SUN3: variants seen among roughly 807,000 people sequenced by gnomAD.
SUN3 encodes the protein SUN domain-containing protein 3.
In SUN3, 36 loss-of-function variants were observed where a neutral mutation model predicts 48.2. The ratio of observed to expected loss-of-function variants is 0.75; its 90% CI spans 0.57 to 0.99. SUN3 has a LOEUF of 0.99. Ranked by LOEUF, SUN3 falls within the 50% of genes least tolerant of loss-of-function variation. The pLI is 0.00. For missense variants in SUN3, 419 were observed against 433.1 expected (o/e 0.97, Z 0.29); for synonymous variants, 148 against 147.9 (o/e 1.00, Z 0.00).
chr7:47,998,268 C>A lies in SUN3; in HGVS notation c.578-2122G>T, dbSNP rs112238482. ...GTTTTGTTTTGTTTGGCATTCTAAT[C>A]GGTGTGTAATGATATAACATTGAGG... On this transcript the variant is annotated intron_variant, in intron 6 of 9. Coordinates refer to ENST00000297325, the MANE Select transcript of SUN3 (RefSeq NM_001030019.2). Among the ~76,000 whole-genome samples the A allele has an allele frequency of 3.0e-3, 455 of 152,184 alleles. 6 individuals carry two copies. Among genetic ancestry groups the A allele is most frequent in the African/African-American group, 0.01 (425 of 41,542 alleles).
At chr7:47,987,513 A>G in intron 9 of SUN3, 64 bp from the exon 10 acceptor site, 1 of 1,386,356 alleles carries the variant, frequency 7.2e-7, no homozygotes, top group Non-Finnish European at 9.5e-7. Context: ...ATCCCAATGA[A>G]TACTGATATA....
At chr7:48,011,720 C>T (rs11978282) in intron 3 of SUN3, among the ~76,000 whole-genome samples, 3,977 of 152,204 alleles carry the variant, frequency 0.026, 170 homozygotes, top group African/African-American at 0.09. Context: ...TTTTATTTTG[C>T]TTCATTCCCA....
intron 3 of SUN3, among the ~76,000 whole-genome samples, chr7:48,009,297 T>A (rs879654353): frequency 6.6e-6 from 1 of 152,338 alleles, no homozygotes; most frequent in East Asian, 1.9e-4. Context: ...ATCTATTTAA[T>A]GAGTGACATT....
At chr7:48,035,720 G>A in the SUN3 span, 2 of 587,342 alleles carry the variant, frequency 3.4e-6, no homozygotes, top group African/African-American at 1.9e-5. The surrounding 1 kb of genome is among the most constrained non-coding windows in gnomAD (Gnocchi z 4.0). Context: ...CGGGCAGTGC[G>A]CGCCGGGGCT....
In SUN3 at chr7:48,004,905, C is replaced by G. The variant is rs1915961; in HGVS notation, c.577+1064G>C. On this transcript the variant is annotated intron_variant, in intron 6 of 9. Coordinates refer to ENST00000297325, the MANE Select transcript of SUN3 (RefSeq NM_001030019.2). ...ACGTAGTTGCTTTTTGAATTTTGTCCGGATTTTTTCTCATTGTAATCAGTT... is the reference window on the plus strand; with the variant it reads ...ACGTAGTTGCTTTTTGAATTTTGTCGGGATTTTTTCTCATTGTAATCAGTT... Among the ~76,000 whole-genome samples, 325 of 152,274 alleles carry G rather than the reference C, an allele frequency of 2.1e-3. 2 individuals are homozygous for G. The highest frequency in any genetic ancestry group is 7.4e-3 in the African/African-American group (308 of 41,572).
chr7:48,017,635 G>A (rs1468510738), intron 2 of SUN3, among the ~76,000 whole-genome samples: 2 of 152,152 alleles, frequency 1.3e-5, no homozygotes, highest in East Asian at 3.8e-4. Flanking sequence ...GATAACTAAG[G>A]ATAGGGTGGC....
chr7:48,005,935 T>C, intron 6 of SUN3, 34 bp downstream of exon 6: 1 of 1,439,664 alleles, frequency 6.9e-7, no homozygotes, highest in South Asian at 1.2e-5. Flanking sequence ...TCTTTTTTTT[T>C]TAATGTTCCT....
chr7:47,987,551 C>A, intron 9 of SUN3, 102 bp from the exon 10 acceptor site: 1 of 979,288 alleles, frequency 1.0e-6, no homozygotes, highest in South Asian at 2.2e-5. Flanking sequence ...TTTTTTTTTT[C>A]GAGATAGGAT....
chr7:48,015,309 C>G (rs1789781887), intron 3 of SUN3, among the ~76,000 whole-genome samples: 1 of 152,184 alleles, frequency 6.6e-6, no homozygotes, highest in African/African-American at 2.4e-5. Flanking sequence ...TTCCAGGTAG[C>G]TGTGCTTTTG....
chr7:48,030,454 A>C (rs1325051709), upstream of SUN3, among the ~76,000 whole-genome samples: 2 of 152,238 alleles, frequency 1.3e-5, no homozygotes, highest in African/African-American at 4.8e-5. Context: ...ACACATGCAC[A>C]GTATGTGACA....
chr7:48,026,637 A>G (rs1297405912), intron 1 of SUN3, among the ~76,000 whole-genome samples: 3 of 151,106 alleles, frequency 2.0e-5, no homozygotes, highest in Non-Finnish European at 4.4e-5. Flanking sequence ...CCCTACCATC[A>G]TTGTTACTGT....
intron 5 of SUN3, among the ~76,000 whole-genome samples, chr7:48,006,590 G>A (rs529707163): frequency 2.8e-4 from 43 of 152,276 alleles, no homozygotes; most frequent in South Asian, 1.5e-3. Flanking sequence ...CTAAGCAGGC[G>A]TAACAGTTCA....
intron 4 of SUN3, among the ~76,000 whole-genome samples, chr7:48,008,075 C>T (rs1296796651): frequency 1.3e-5 from 2 of 152,158 alleles, no homozygotes; most frequent in Non-Finnish European, 2.9e-5. Flanking sequence ...CCACCCGCCT[C>T]GGCCACCCAA....
upstream of SUN3, among the ~76,000 whole-genome samples, chr7:48,029,675 C>T (rs2128786206): frequency 6.6e-6 from 1 of 152,268 alleles, no homozygotes; most frequent in South Asian, 2.1e-4. Flanking sequence ...GAATAATGCT[C>T]ATTGCACGTT....
chr7:48,008,462 T>G (rs1022855572), intron 4 of SUN3, among the ~76,000 whole-genome samples: 2 of 152,210 alleles, frequency 1.3e-5, no homozygotes. Context: ...AATTCTTCAT[T>G]TCATGAATAT....
rs1789202253 is a variant in SUN3, at chr7:47,996,050, G to C, written c.674C>G (p.Pro225Arg). Reference protein sequence around the residue: ...HGIGFLNHEMPPDIILQPDVY... With the variant: ...HGIGFLNHEMRPDIILQPDVY... Reference sequence around the variant, plus strand: ...CTTTACCTGAAGAATAATATCTGGAGGCATTTCATGATTTAGGAAACCTAT... The same window carrying C: ...CTTTACCTGAAGAATAATATCTGGACGCATTTCATGATTTAGGAAACCTAT... The change falls in exon 7 of 10, where the codon CCT becomes CGT. Residue 225 changes from proline to arginine, a missense_variant. Coordinates refer to ENST00000297325, the MANE Select transcript of SUN3 (RefSeq NM_001030019.2). 2 of 1,566,322 alleles carry C rather than the reference G, an allele frequency of 1.3e-6. No homozygotes were observed. The highest frequency in any genetic ancestry group is 1.7e-4 in the Middle Eastern group (1 of 5,906).
intron 2 of SUN3, among the ~76,000 whole-genome samples, chr7:48,018,048 T>C (rs1562611503): frequency 6.6e-6 from 1 of 152,182 alleles, no homozygotes; most frequent in Non-Finnish European, 1.5e-5. Context: ...GAGAACGTAA[T>C]GTGCATTTCT....
chr7:47,999,867 T>C (rs1205221051), intron 6 of SUN3, among the ~76,000 whole-genome samples: 1 of 152,228 alleles, frequency 6.6e-6, no homozygotes, highest in African/African-American at 2.4e-5. Flanking sequence ...CTTTTGGATA[T>C]CTCTGTATTT....
chr7:47,998,329 C>T (rs1179301513), intron 6 of SUN3, among the ~76,000 whole-genome samples: 1 of 152,162 alleles, frequency 6.6e-6, no homozygotes, highest in East Asian at 1.9e-4. Context: ...TAATGTAAGG[C>T]ATTTTTTCAT....
Sources: allele counts gnomAD v4.1 joint callset (sites outside exome capture counted in the v4.1 genomes callset), GRCh38; gene constraint gnomAD v4.1.1; non-coding constraint Gnocchi (gnomAD v3.1); transcripts MANE v1.5; gene names NCBI Gene and HGNC (gene_info 2026-07-23, HGNC 2026-07-21).